Variants in GRIN2A observed in about 807,000 individuals in gnomAD.
The protein encoded by GRIN2A is glutamate receptor ionotropic, NMDA 2A.
GRIN2A carries 22 observed loss-of-function variants against 113.4 expected under a neutral mutation model. That is an observed-to-expected ratio of 0.19 (90% CI 0.14 to 0.28). GRIN2A has a LOEUF of 0.28. GRIN2A is among the 10% of genes least tolerant of loss of function. GRIN2A has a pLI of 1.00. For missense variants in GRIN2A, 1,502 were observed against 1,887.0 expected (o/e 0.80, Z 3.78); for synonymous variants, 827 against 738.4 (o/e 1.12, Z -1.94).
Position 9,928,370 on chromosome 16 carries a change from C to T in GRIN2A, c.1007+9589G>A, listed in dbSNP as rs550773273. Among the ~76,000 whole-genome samples, 112 of 152,276 alleles carry T rather than the reference C, an allele frequency of 7.4e-4. 2 individuals are homozygous for T. In the South Asian group the frequency reaches 0.017, roughly 23 times the overall value. The stretch of plus-strand genomic sequence containing the variant: ...ATACTCTTTCAGGAAAGCAAACCAA[C>T]GATAGCTCATAAGTTAATCGGTCGT... On this transcript the variant is annotated intron_variant, in intron 3 of 12. Coordinates refer to ENST00000330684, the MANE Select transcript of GRIN2A (RefSeq NM_001134407.3).
In GRIN2A at chr16:9,886,276, A is replaced by G. The variant is rs180983051; in HGVS notation, c.1122+4710T>C. Among the ~76,000 whole-genome samples the G allele has an allele frequency of 3.3e-5, 5 of 152,346 alleles. No individual in the cohort carries two copies. The East Asian group carries it at 7.7e-4, about 23-fold the overall frequency. Reference sequence around the variant, plus strand: ...ATGGATGATTAGAAAAAAAACATGAATTGCATTTTGGCTTTACATGTGTAA... The same window carrying G: ...ATGGATGATTAGAAAAAAAACATGAGTTGCATTTTGGCTTTACATGTGTAA... On this transcript the variant is annotated intron_variant, in intron 4 of 12. Transcript: ENST00000330684.
chr16:10,039,852 C>T (rs982821956), intron 2 of GRIN2A, among the ~76,000 whole-genome samples: 3 of 126,466 alleles, frequency 2.4e-5, no homozygotes, highest in African/African-American at 6.6e-5. Context: ...TGGTCCACAC[C>T]GCTCAGAGGA....
intron 2 of GRIN2A, among the ~76,000 whole-genome samples, chr16:10,067,080 C>G (rs1442162086): frequency 1.3e-5 from 2 of 152,226 alleles, no homozygotes; most frequent in African/African-American, 2.4e-5. Flanking sequence ...GCTGTGAACT[C>G]TCTCACATTT....
intron 2 of GRIN2A, among the ~76,000 whole-genome samples, chr16:9,998,635 T>C (rs1374408099): frequency 6.6e-6 from 1 of 152,176 alleles, no homozygotes; most frequent in Non-Finnish European, 1.5e-5. Context: ...AATTGGCAAA[T>C]TGCCTTGCAA....
chr16:9,923,698 T>C (rs563372205), intron 3 of GRIN2A, among the ~76,000 whole-genome samples: 41 of 152,348 alleles, frequency 2.7e-4, no homozygotes, highest in African/African-American at 9.6e-4. Context: ...TCAAATAGTA[T>C]ACTTTGATTT....
intron 2 of GRIN2A, among the ~76,000 whole-genome samples, chr16:10,120,556 A>G (rs1233397740): frequency 6.6e-6 from 1 of 152,076 alleles, no homozygotes; most frequent in Non-Finnish European, 1.5e-5. Flanking sequence ...CCTCTGTATT[A>G]AAATGATCTC....
chr16:9,941,773 T>C (rs928026548), intron 2 of GRIN2A, among the ~76,000 whole-genome samples: 6 of 152,206 alleles, frequency 3.9e-5, no homozygotes, highest in African/African-American at 1.4e-4. Flanking sequence ...TAGAAATACT[T>C]ACTCTATGAG....
chr16:10,155,646 G>A (rs140746563), intron 2 of GRIN2A, among the ~76,000 whole-genome samples: 131 of 152,228 alleles, frequency 8.6e-4, no homozygotes, highest in Non-Finnish European at 1.2e-3. Flanking sequence ...AAGACATATC[G>A]GAGACTGGTA....
chr16:9,905,375 G>C (rs971287023), intron 3 of GRIN2A, among the ~76,000 whole-genome samples: 3 of 152,130 alleles, frequency 2.0e-5, no homozygotes, highest in Non-Finnish European at 4.4e-5. Context: ...TGATTTATCA[G>C]AAAGAATACA....
At chr16:10,172,002 C>A (rs1047433078) in intron 2 of GRIN2A, among the ~76,000 whole-genome samples, 1 of 152,204 alleles carries the variant, frequency 6.6e-6, no homozygotes, top group Admixed American at 6.5e-5. Context: ...TAATGACATT[C>A]TTTAAAAGAT....
At position 9,763,136 on chromosome 16, in the gene GRIN2A, T is replaced by C; in HGVS notation, c.*13A>G. 1.2e-6 allele frequency: 2 copies of C among 1,612,626 alleles called. No homozygotes were observed. The highest frequency in any genetic ancestry group is 1.7e-6 in the Non-Finnish European group (2 of 1,178,852). ...GTATATTTCCCTATAGATAAAACAT[T>C]AATGGAAGATTTTTAAACATCAGAT... On this transcript the variant is annotated 3_prime_UTR_variant, in exon 13 of 13. Transcript: ENST00000330684.
rs79695852 is a variant in GRIN2A, at chr16:10,125,631, G to GAAA, written c.414+54364_414+54366dup. On this transcript the variant is annotated intron_variant, in intron 2 of 12. Coordinates refer to ENST00000330684, the MANE Select transcript of GRIN2A (RefSeq NM_001134407.3). ...ATCCTCATACTGCTCATGGTGGGAGGAAAAAAAAAAAAAAAAAGACTGTTC... is the reference window on the plus strand; with the variant it reads ...ATCCTCATACTGCTCATGGTGGGAGGAAAAAAAAAAAAAAAAAAAAGACTGTTC... Among the ~76,000 whole-genome samples, 166 of 132,040 alleles carry GAAA rather than the reference G, an allele frequency of 1.3e-3. 1 individual carries two copies. The highest frequency in any genetic ancestry group is 3.8e-3 in the African/African-American group (134 of 35,120). The allele number at this position is 132,040 out of a possible 152,430, so 86.6% of individuals were successfully genotyped here. A position where few individuals can be genotyped will look rare whatever the true frequency, so the allele number is the denominator to read the frequency against.
intron 11 of GRIN2A, among the ~76,000 whole-genome samples, chr16:9,792,079 TTGTGTGTG>T (rs71400495): frequency 3.6e-5 from 4 of 112,324 alleles, no homozygotes; most frequent in South Asian, 2.6e-4. Context: ...TGAAGTAAAA[TTGTGTGTG>T]TGTGTGTGTG....
chr16:10,144,526 C>G (rs527384236), intron 2 of GRIN2A, among the ~76,000 whole-genome samples: 53 of 152,294 alleles, frequency 3.5e-4, no homozygotes, highest in African/African-American at 1.2e-3. Flanking sequence ...ATTTTCACTA[C>G]TGAGTCATAG....
At chr16:9,806,294 C>T (rs1448882465) in intron 10 of GRIN2A, among the ~76,000 whole-genome samples, 2 of 152,102 alleles carry the variant, frequency 1.3e-5, no homozygotes, top group Non-Finnish European at 2.9e-5. Flanking sequence ...AAGTCAAGTC[C>T]ATTTCTCCTG....
intron 2 of GRIN2A, among the ~76,000 whole-genome samples, chr16:10,147,697 C>T (rs1287324595): frequency 6.6e-6 from 1 of 151,092 alleles, no homozygotes; most frequent in Non-Finnish European, 1.5e-5. Flanking sequence ...ATAGCAAAAT[C>T]ATGAGGAGGA....
intron 10 of GRIN2A, 143 bp downstream of exon 10, chr16:9,822,121 G>A: frequency 1.2e-6 from 1 of 856,776 alleles, no homozygotes; most frequent in Non-Finnish European, 2.0e-6. Context: ...AACAAAAACT[G>A]CCCTCAACTG....
chr16:9,968,061 G>A (rs2045591186), intron 2 of GRIN2A, among the ~76,000 whole-genome samples: 1 of 152,126 alleles, frequency 6.6e-6, no homozygotes, highest in Admixed American at 6.6e-5. Context: ...AGACAACCCA[G>A]TGGGTAGGCG....
At chr16:9,950,449 C>A (rs539587888) in intron 2 of GRIN2A, among the ~76,000 whole-genome samples, 1 of 152,226 alleles carries the variant, frequency 6.6e-6, no homozygotes, top group South Asian at 2.1e-4. Flanking sequence ...GGTCACCACC[C>A]ATCAGATGTG....
Sources: allele counts gnomAD v4.1 joint callset (sites outside exome capture counted in the v4.1 genomes callset), GRCh38; gene constraint gnomAD v4.1.1; transcripts MANE v1.5; gene names NCBI Gene and HGNC (gene_info 2026-07-23, HGNC 2026-07-21).